Variants in SORCS2 observed in about 807,000 individuals in gnomAD.
SORCS2 encodes the protein VPS10 domain-containing receptor SorCS2.
A neutral mutation model predicts 141.6 loss-of-function variants in SORCS2; 100 were observed. That is an observed-to-expected ratio of 0.71 (90% CI 0.60 to 0.83). The LOEUF (loss-of-function observed/expected upper bound fraction) is 0.83, where lower values mean the gene tolerates loss of function less well. SORCS2 is among the 40% of genes least tolerant of loss of function. The pLI is 0.00. For synonymous variants in SORCS2, 789 were observed against 676.9 expected, an observed-to-expected ratio of 1.17 and a Z score of -2.57; for missense variants, 1,646 against 1,560.2, an observed-to-expected ratio of 1.05 and a Z score of -0.93.
chr4:7,259,314 T>TG (rs1714151313), intron 1 of SORCS2, among the ~76,000 whole-genome samples: 1 of 152,158 alleles, frequency 6.6e-6, no homozygotes, highest in Non-Finnish European at 1.5e-5. Context: ...TCCGCAGAGT[T>TG]CAATTCCATG....
At chr4:7,641,777 A>AATGC (rs879872262) in intron 4 of SORCS2, among the ~76,000 whole-genome samples, 139 of 79,064 alleles carry the variant, frequency 1.8e-3, no homozygotes, top group African/African-American at 4.4e-3. Flanking sequence ...TGGATGGATA[A>AATGC]ATGGATGGAT....
chr4:7,470,988 A>G (rs4423876), intron 2 of SORCS2, among the ~76,000 whole-genome samples: 107,009 of 152,022 alleles, frequency 0.7, 38,295 homozygotes, highest in East Asian at 0.99. Flanking sequence ...CAGAGTAGTC[A>G]TGGGGTCTCT....
intron 2 of SORCS2, among the ~76,000 whole-genome samples, chr4:7,491,633 A>G (rs1731320295): frequency 6.6e-6 from 1 of 152,190 alleles, no homozygotes. Context: ...AGCTTCTGTG[A>G]TCTCATTTGT....
chr4:7,389,360 G>T (rs1282826351), intron 1 of SORCS2, among the ~76,000 whole-genome samples: 1 of 152,064 alleles, frequency 6.6e-6, no homozygotes, highest in Non-Finnish European at 1.5e-5. Flanking sequence ...TGAGTGACGT[G>T]ACCCGTACCA....
At chr4:7,577,955 T>G (rs1312662506) in intron 3 of SORCS2, among the ~76,000 whole-genome samples, 1 of 130,416 alleles carries the variant, frequency 7.7e-6, no homozygotes, top group African/African-American at 2.9e-5. Flanking sequence ...TATAGCATAC[T>G]GGCGAAGTCA....
chr4:7,588,176 C>T (rs934247158), intron 3 of SORCS2, among the ~76,000 whole-genome samples: 6 of 152,172 alleles, frequency 3.9e-5, no homozygotes, highest in African/African-American at 9.7e-5. Context: ...CTTCTGCGGT[C>T]GGCAAATCCT....
At chr4:7,739,821 G>A (rs971757108) in intron 26 of SORCS2, among the ~76,000 whole-genome samples, 5 of 152,050 alleles carry the variant, frequency 3.3e-5, no homozygotes, top group South Asian at 2.1e-4. Flanking sequence ...CTCGCCTCCC[G>A]GGGCCTCGCC....
At chr4:7,308,002 G>A (rs1175861152) in intron 1 of SORCS2, among the ~76,000 whole-genome samples, 1 of 152,166 alleles carries the variant, frequency 6.6e-6, no homozygotes, top group Non-Finnish European at 1.5e-5. Context: ...TGCACAGAGT[G>A]GGAGGTAGGC....
At chr4:7,389,532 C>T (rs944118054) in intron 1 of SORCS2, among the ~76,000 whole-genome samples, 1 of 152,152 alleles carries the variant, frequency 6.6e-6, no homozygotes, top group Non-Finnish European at 1.5e-5. Context: ...TCTGAGTCAG[C>T]CTGCTGCTGA....
chr4:7,675,677 C>A (rs181440126), intron 8 of SORCS2, among the ~76,000 whole-genome samples: 4 of 152,258 alleles, frequency 2.6e-5, no homozygotes, highest in South Asian at 2.1e-4. Flanking sequence ...CCAGCCCTCA[C>A]CCCCTGGAAT....
At chr4:7,628,484 A>T (rs1240650432) in intron 3 of SORCS2, among the ~76,000 whole-genome samples, 1 of 149,668 alleles carries the variant, frequency 6.7e-6, no homozygotes, top group Non-Finnish European at 1.5e-5. Context: ...GTGCCACTGC[A>T]CTCCAGCCTG....
chr4:7,675,995 C>T, intron 8 of SORCS2, 55 bp from the exon 9 acceptor site: 1 of 1,536,570 alleles, frequency 6.5e-7, no homozygotes, highest in Non-Finnish European at 8.8e-7. Flanking sequence ...CTTCTTCCTC[C>T]CTCGTGCAGC....
chr4:7,571,163 C>T (rs756488934), intron 3 of SORCS2, among the ~76,000 whole-genome samples: 25 of 152,242 alleles, frequency 1.6e-4, no homozygotes, highest in Non-Finnish European at 2.6e-4. Flanking sequence ...ATGCAGTGAA[C>T]CTGGGCAGCA....
At chr4:7,369,234 C>G (rs940321200) in intron 1 of SORCS2, among the ~76,000 whole-genome samples, 1 of 152,188 alleles carries the variant, frequency 6.6e-6, no homozygotes, top group African/African-American at 2.4e-5. Context: ...TTGCTTGAAC[C>G]TGGGAGGTGG....
rs563329726 is a variant in SORCS2 at position 7,264,426 on chromosome 4, T to C, written c.480+71300T>C. Among the ~76,000 whole-genome samples, 34 of 152,272 alleles carry C rather than the reference T, an allele frequency of 2.2e-4. No individual in the cohort carries two copies. The South Asian group carries it at 5.6e-3, about 25-fold the overall frequency. On this transcript the variant is annotated intron_variant, in intron 1 of 26. Transcript: ENST00000507866. ...CAGGTGTGGGCATCTGTCCCCTAGC[T>C]GGCCTGGCCTTAGGTGTCCCCCAAA...
intron 11 of SORCS2, among the ~76,000 whole-genome samples, chr4:7,691,535 C>T (rs1370222086): frequency 6.6e-6 from 1 of 152,118 alleles, no homozygotes; most frequent in Non-Finnish European, 1.5e-5. Context: ...CCTTCAGCTT[C>T]CGGAGTTCCT....
At chr4:7,619,156 G>C (rs1266856783) in intron 3 of SORCS2, among the ~76,000 whole-genome samples, 1 of 152,160 alleles carries the variant, frequency 6.6e-6, no homozygotes, top group Non-Finnish European at 1.5e-5. Flanking sequence ...CAGCTACGAG[G>C]GTTCATGAGA....
intron 3 of SORCS2, among the ~76,000 whole-genome samples, chr4:7,610,629 G>A (rs1057489109): frequency 1.3e-5 from 2 of 152,184 alleles, no homozygotes; most frequent in Non-Finnish European, 2.9e-5. Context: ...CAGGCAGAGT[G>A]GTGTGGAGGG....
chr4:7,402,625 C>G (rs561934454), intron 2 of SORCS2, among the ~76,000 whole-genome samples: 32 of 152,298 alleles, frequency 2.1e-4, no homozygotes, highest in African/African-American at 7.7e-4. Flanking sequence ...GAACACGTCT[C>G]CAGTCAGATG....
Sources: allele counts gnomAD v4.1 joint callset (sites outside exome capture counted in the v4.1 genomes callset), GRCh38; gene constraint gnomAD v4.1.1; transcripts MANE v1.5; gene names NCBI Gene and HGNC (gene_info 2026-07-23, HGNC 2026-07-21).